STPG2: variants seen among roughly 807,000 people sequenced by gnomAD.
The protein encoded by STPG2 is sperm tail PG-rich repeat containing 2.
A neutral mutation model predicts 54.2 loss-of-function variants in STPG2; 56 were observed. The observed-to-expected ratio is 1.03, with a 90% CI of 0.83 to 1.29. The LOEUF is 1.29. Among genes scored for constraint, STPG2 ranks in the 50% most tolerant of loss-of-function variants. STPG2 has a pLI of 0.00. For synonymous variants in STPG2, 200 were observed against 181.8 expected (o/e 1.10, Z -0.81); for missense variants, 596 against 544.9 (o/e 1.09, Z -0.93).
intron 7 of STPG2, among the ~76,000 whole-genome samples, chr4:97,965,006 C>G (rs1734039035): frequency 6.6e-6 from 1 of 152,112 alleles, no homozygotes; most frequent in Non-Finnish European, 1.5e-5. Context: ...TGGGTGCAGC[C>G]CACAGAGGGC....
At chr4:98,076,472 A>C (rs2110112056) in intron 5 of STPG2, among the ~76,000 whole-genome samples, 1 of 152,342 alleles carries the variant, frequency 6.6e-6, no homozygotes, top group Middle Eastern at 3.4e-3. Flanking sequence ...GATGGAAATT[A>C]AGTAAGAAGA....
intron 4 of STPG2, among the ~76,000 whole-genome samples, chr4:97,464,316 T>C (rs759694371): frequency 6.6e-6 from 1 of 152,218 alleles, no homozygotes; most frequent in Admixed American, 6.5e-5. Context: ...GTATTATAAG[T>C]AATCTAGAGA....
chr4:97,534,100 T>C (rs1279557575), intron 4 of STPG2, among the ~76,000 whole-genome samples: 1 of 152,124 alleles, frequency 6.6e-6, no homozygotes, highest in Non-Finnish European at 1.5e-5. Context: ...TTTAGGCATA[T>C]AAGTGGGTGT....
At chr4:97,678,530 T>C (rs1722925422) in intron 10 of STPG2, among the ~76,000 whole-genome samples, 1 of 152,138 alleles carries the variant, frequency 6.6e-6, no homozygotes, top group Non-Finnish European at 1.5e-5. Flanking sequence ...ACAGCCTAGA[T>C]ACTTTTTTCG....
intron 4 of STPG2, among the ~76,000 whole-genome samples, chr4:97,484,139 T>C (rs1730295213): frequency 6.6e-6 from 1 of 151,118 alleles, no homozygotes; most frequent in Non-Finnish European, 1.5e-5. Flanking sequence ...AGCACAGACA[T>C]TCTAAGGTCA....
intron 9 of STPG2, among the ~76,000 whole-genome samples, chr4:97,759,907 C>G (rs1725841173): frequency 6.6e-6 from 1 of 152,098 alleles, no homozygotes; most frequent in Non-Finnish European, 1.5e-5. Context: ...TCCACTGTTC[C>G]TCTTTCCAAT....
At chr4:97,843,767 A>C (rs1728867907) in intron 8 of STPG2, among the ~76,000 whole-genome samples, 1 of 151,860 alleles carries the variant, frequency 6.6e-6, no homozygotes, top group Non-Finnish European at 1.5e-5. Flanking sequence ...ATTTTGGCAA[A>C]ACCATTTCAC....
At chr4:97,782,491 T>C (rs867076257) in intron 9 of STPG2, among the ~76,000 whole-genome samples, 30 of 152,240 alleles carry the variant, frequency 2.0e-4, no homozygotes, top group African/African-American at 6.7e-4. Context: ...ATTGTGAAAA[T>C]GGCGATACTG....
chr4:97,479,813 G>C (rs1730173784), intron 4 of STPG2, among the ~76,000 whole-genome samples: 1 of 151,780 alleles, frequency 6.6e-6, no homozygotes, highest in Non-Finnish European at 1.5e-5. Context: ...TTCAGCTATT[G>C]AACAACAGAA....
chr4:97,530,193 G>A (rs986008731), intron 4 of STPG2, among the ~76,000 whole-genome samples: 3 of 152,138 alleles, frequency 2.0e-5, no homozygotes, highest in Admixed American at 6.6e-5. Flanking sequence ...TGCAACTTGT[G>A]GCTCTGCCAT....
chr4:97,548,246 A>T (rs1306368903), intron 4 of STPG2, among the ~76,000 whole-genome samples: 1 of 152,184 alleles, frequency 6.6e-6, no homozygotes, highest in Non-Finnish European at 1.5e-5. Flanking sequence ...GCTCTCTGGG[A>T]GATATCAACT....
At chr4:97,645,386 C>G (rs1311766609) in intron 10 of STPG2, among the ~76,000 whole-genome samples, 1 of 151,420 alleles carries the variant, frequency 6.6e-6, no homozygotes, top group African/African-American at 2.4e-5. Flanking sequence ...GGACGTGAAG[C>G]TGGAATTTTA....
chr4:97,616,057 A>AATATATATATATATAT (rs70953077), intron 10 of STPG2, among the ~76,000 whole-genome samples: 32 of 37,376 alleles, frequency 8.6e-4, no homozygotes, highest in Admixed American at 2.7e-3. Context: ...AATACATATA[A>AATATATATATATATAT]ATATATATAT....
chr4:97,887,894 A>C (rs1180074701), intron 8 of STPG2, among the ~76,000 whole-genome samples: 3 of 152,156 alleles, frequency 2.0e-5, no homozygotes, highest in African/African-American at 4.8e-5. Flanking sequence ...GCCTTGGGAA[A>C]CTGCTCCCTG....
At chr4:98,098,817 A>G (rs996524482) in intron 5 of STPG2, among the ~76,000 whole-genome samples, 2 of 152,200 alleles carry the variant, frequency 1.3e-5, no homozygotes, top group Non-Finnish European at 2.9e-5. Context: ...AAAAGATTTC[A>G]ATAGATAGCT....
chr4:97,473,534 T>C (rs1729996256), intron 4 of STPG2, among the ~76,000 whole-genome samples: 2 of 152,178 alleles, frequency 1.3e-5, no homozygotes. Context: ...CCTGATAAGA[T>C]GTTATCAATG....
At chr4:97,931,862 A>G (rs1560596333) in intron 8 of STPG2, among the ~76,000 whole-genome samples, 1 of 151,994 alleles carries the variant, frequency 6.6e-6, no homozygotes, top group Admixed American at 6.6e-5. Context: ...CTATGAATCC[A>G]TCAGGTCTTG....
At chr4:97,838,623 C>G (rs1281128905) in intron 9 of STPG2, among the ~76,000 whole-genome samples, 1 of 151,274 alleles carries the variant, frequency 6.6e-6, no homozygotes, top group African/African-American at 2.4e-5. Flanking sequence ...ATCAATGTAA[C>G]AGAGTCTAGA....
chr4:97,668,133 T>TAA (rs1722582459), intron 10 of STPG2, among the ~76,000 whole-genome samples: 1 of 152,126 alleles, frequency 6.6e-6, no homozygotes, highest in South Asian at 2.1e-4. Context: ...AAGCAATATA[T>TAA]AATGAGTATT....
Sources: gnomAD v4.1 joint callset for allele counts (sites outside exome capture counted in the v4.1 genomes callset) on GRCh38, gnomAD v4.1.1 for gene constraint, MANE v1.5 for transcripts, NCBI Gene and HGNC (gene_info 2026-07-23, HGNC 2026-07-21) for gene names.